Variants in EIF3H observed in about 807,000 individuals in gnomAD.
EIF3H encodes eIF-3-gamma.
In EIF3H, 26 loss-of-function variants were observed where a neutral mutation model predicts 44.2. The observed-to-expected ratio is 0.59, with a 90% CI of 0.43 to 0.82. EIF3H has a LOEUF of 0.82. Among genes scored for constraint, EIF3H ranks in the 40% least tolerant of loss-of-function variants. EIF3H has a pLI of 0.00. For synonymous variants in EIF3H, 166 were observed against 151.9 expected, an observed-to-expected ratio of 1.09 and a Z score of -0.68; for missense variants, 359 against 432.8, an observed-to-expected ratio of 0.83 and a Z score of 1.51.
At chr8:116,723,872 C>A (rs1814792558) in intron 2 of EIF3H, among the ~76,000 whole-genome samples, 2 of 152,268 alleles carry the variant, frequency 1.3e-5, no homozygotes, top group Admixed American at 6.5e-5. Flanking sequence ...GGTTAGACTT[C>A]ATCTTATTAT....
At chr8:116,671,746 A>C (rs1456359451) in intron 2 of EIF3H, among the ~76,000 whole-genome samples, 1 of 152,168 alleles carries the variant, frequency 6.6e-6, no homozygotes, top group Non-Finnish European at 1.5e-5. Context: ...CCCTAAAGAA[A>C]ATATCTGGGT....
intron 1 of EIF3H, chr8:116,734,294 AG>A (rs1186318715): frequency 2.2e-6 from 1 of 456,088 alleles, no homozygotes; most frequent in East Asian, 7.0e-5. Context: ...GGATCCAGGA[AG>A]GGCTTCTGAG....
intron 1 of EIF3H, among the ~76,000 whole-genome samples, chr8:116,761,521 A>C (rs187297079): frequency 2.1e-4 from 31 of 150,882 alleles, no homozygotes; most frequent in Admixed American, 1.1e-3. Flanking sequence ...CAAAAAAATA[A>C]ATACATACAT....
Position 116,676,712 on chromosome 8 carries a change from C to T in EIF3H, c.290-17732G>A, listed in dbSNP as rs533158461. Among the ~76,000 whole-genome samples the T allele has an allele frequency of 2.4e-4, 36 of 152,308 alleles. No individual in the cohort carries two copies. The South Asian group carries it at 6.6e-3, about 28-fold the overall frequency. On this transcript the variant is annotated intron_variant, in intron 2 of 7. Coordinates refer to ENST00000521861, the MANE Select transcript of EIF3H (RefSeq NM_003756.3). The stretch of plus-strand genomic sequence containing the variant: ...GCAAGGAAGAGAAAGGTTAAACATA[C>T]GATGTTCATCCTTCAGTCTTGGCTT...
intron 3 of EIF3H, 126 bp from the exon 4 acceptor site, chr8:116,657,440 A>C: frequency 1.4e-6 from 1 of 690,534 alleles, no homozygotes; most frequent in Non-Finnish European, 2.5e-6. Context: ...AAAATAAACA[A>C]CCAGAACACA....
At chr8:116,755,987 T>G, upstream of EIF3H, 1 of 1,536,254 alleles carries the variant, frequency 6.5e-7, no homozygotes, top group Non-Finnish European at 8.7e-7. Flanking sequence ...GCATGCCTAC[T>G]GTACATTTTC....
intron 2 of EIF3H, among the ~76,000 whole-genome samples, chr8:116,704,349 C>T (rs760181867): frequency 3.9e-5 from 6 of 152,184 alleles, no homozygotes; most frequent in Non-Finnish European, 7.3e-5. Context: ...ACGTGCTCAA[C>T]GAATGTTAGC....
At chr8:116,676,316 G>A (rs1277577410) in intron 2 of EIF3H, among the ~76,000 whole-genome samples, 1 of 152,258 alleles carries the variant, frequency 6.6e-6, no homozygotes, top group Non-Finnish European at 1.5e-5. Flanking sequence ...ACTAGGCTGT[G>A]TAATCTAGAA....
Position 116,743,799 on chromosome 8 carries a change from AACACACACACAC to A in EIF3H, c.132+11855_132+11866del, listed in dbSNP as rs368555154. On this transcript the variant is annotated intron_variant, in intron 1 of 7. Coordinates refer to ENST00000521861, the MANE Select transcript of EIF3H (RefSeq NM_003756.3). Reference sequence around the variant, plus strand: ...ATATATATATATATATATATATATAAACACACACACACACACACACACACACACACACACACA... The same window carrying A: ...ATATATATATATATATATATATATAAACACACACACACACACACACACACA... Among the ~76,000 whole-genome samples the A allele has an allele frequency of 1.7e-3, 144 of 87,054 alleles. 2 individuals are homozygous for A. The highest frequency in any genetic ancestry group is 4.4e-3 in the African/African-American group (115 of 26,062). The allele number at this position is 87,054 out of a possible 152,430, so 57.1% of individuals were successfully genotyped here. A position where few individuals can be genotyped will look rare whatever the true frequency, so the allele number is the denominator to read the frequency against.
intron 2 of EIF3H, among the ~76,000 whole-genome samples, chr8:116,705,892 G>A (rs935365769): frequency 2.0e-5 from 3 of 151,716 alleles, no homozygotes; most frequent in Admixed American, 6.6e-5. Context: ...AAGGATATAG[G>A]GGAACTCTGT....
At chr8:116,686,774 AAG>A (rs1477812800) in intron 2 of EIF3H, among the ~76,000 whole-genome samples, 3 of 151,752 alleles carry the variant, frequency 2.0e-5, no homozygotes, top group African/African-American at 7.2e-5. Flanking sequence ...CGGGATGGGC[AAG>A]AGTTTGCCAG....
rs750735909 is a variant in EIF3H at position 116,643,351 on chromosome 8, A to G, written c.*1655T>C. On this transcript the variant is annotated 3_prime_UTR_variant, in exon 8 of 8. Coordinates refer to ENST00000521861, the MANE Select transcript of EIF3H (RefSeq NM_003756.3). ...CATTTTACATACCCTTTGACTCGTA[A>G]GTCTATATCAAAGATTATCCTAAAG... 1.3e-5 allele frequency: 2 copies of G among 152,238 alleles called. No individual in the cohort carries two copies. Among genetic ancestry groups the G allele is most frequent in the Non-Finnish European group, 2.9e-5 (2 of 68,048 alleles). The allele number at this position is 152,238 out of a possible 1,614,324, so 9.4% of individuals were successfully genotyped here.
chr8:116,762,216 C>T (rs758445843), intron 1 of EIF3H, among the ~76,000 whole-genome samples: 1 of 152,186 alleles, frequency 6.6e-6, no homozygotes, highest in Non-Finnish European at 1.5e-5. Context: ...GTTTTAACTT[C>T]CTCTATCATT....
intron 2 of EIF3H, among the ~76,000 whole-genome samples, chr8:116,723,172 G>A (rs1814780365): frequency 1.3e-5 from 2 of 152,148 alleles, no homozygotes; most frequent in South Asian, 4.1e-4. Context: ...ACTTCCAACT[G>A]TGCCACCAAC....
At chr8:116,683,149 CCTT>C (rs1268297846) in intron 2 of EIF3H, among the ~76,000 whole-genome samples, 1 of 152,162 alleles carries the variant, frequency 6.6e-6, no homozygotes, top group Non-Finnish European at 1.5e-5. Flanking sequence ...GAATTTATCT[CCTT>C]AGTATAGATA....
Position 116,645,090 on chromosome 8 carries a change from A to G in EIF3H, c.975T>C (p.Thr325=). 2.5e-6 allele frequency: 4 copies of G among 1,613,966 alleles called. No individual in the cohort carries two copies. Among genetic ancestry groups the G allele is most frequent in the Non-Finnish European group, 3.4e-6 (4 of 1,179,882 alleles). ...DSLLIAGQIN[T]YCQNIKEFTA... is the part of the protein sequence containing the mutation. ...TGAACTCCTTGATGTTCTGGCAGTA[A>G]GTGTTTATCTGGCCTGTGCATTTGA... Residue 325 remains threonine, a synonymous_variant, in exon 8 of 8, where the codon ACT becomes ACC. Coordinates refer to ENST00000521861, the MANE Select transcript of EIF3H (RefSeq NM_003756.3).
intron 2 of EIF3H, among the ~76,000 whole-genome samples, chr8:116,695,700 G>A (rs1387693820): frequency 6.6e-6 from 1 of 152,186 alleles, no homozygotes; most frequent in African/African-American, 2.4e-5. Context: ...CATGAGGCCT[G>A]GCATGGGTCT....
At chr8:116,722,325 A>G (rs1351358135) in intron 2 of EIF3H, among the ~76,000 whole-genome samples, 1 of 152,158 alleles carries the variant, frequency 6.6e-6, no homozygotes, top group East Asian at 1.9e-4. Context: ...AGCCATGTGG[A>G]ACTGTGAATC....
At chr8:116,702,477 A>C (rs1390458279) in intron 2 of EIF3H, among the ~76,000 whole-genome samples, 4 of 152,124 alleles carry the variant, frequency 2.6e-5, no homozygotes, top group Admixed American at 2.6e-4. Context: ...TATTATTTTA[A>C]TTTTCCCAAT....
Sources: gnomAD v4.1 joint callset for allele counts (sites outside exome capture counted in the v4.1 genomes callset) on GRCh38, gnomAD v4.1.1 for gene constraint, MANE v1.5 for transcripts, NCBI Gene and HGNC (gene_info 2026-07-23, HGNC 2026-07-21) for gene names.